PBX1: variants seen among roughly 807,000 people sequenced by gnomAD.
PBX1 encodes pre-B-cell leukemia transcription factor 1.
A neutral mutation model predicts 53.4 loss-of-function variants in PBX1; 6 were observed. The observed-to-expected ratio is 0.11, with a 90% CI of 0.06 to 0.22. PBX1 has a LOEUF of 0.22. PBX1 is among the 10% of genes least tolerant of loss of function. The probability of loss-of-function intolerance (pLI) is 1.00; values close to 1 mark genes in which losing one functional copy is unlikely to be tolerated. For synonymous variants in PBX1, 204 were observed against 212.3 expected, an observed-to-expected ratio of 0.96 and a Z score of 0.34; for missense variants, 251 against 551.4, an observed-to-expected ratio of 0.46 and a Z score of 5.46.
intron 2 of PBX1, among the ~76,000 whole-genome samples, chr1:164,723,641 C>G (rs1664526533): frequency 6.6e-6 from 1 of 152,174 alleles, no homozygotes; most frequent in African/African-American, 2.4e-5. Context: ...TCTGCCTGGG[C>G]CAGCCAGGCG....
chr1:164,831,282 T>C (rs1439780891), intron 8 of PBX1, among the ~76,000 whole-genome samples: 1 of 152,254 alleles, frequency 6.6e-6, no homozygotes, highest in Admixed American at 6.5e-5. Flanking sequence ...ACATGTATCA[T>C]TAACTAGAGT....
At chr1:164,565,289 C>T (rs1347675319) in intron 2 of PBX1, among the ~76,000 whole-genome samples, 1 of 152,070 alleles carries the variant, frequency 6.6e-6, no homozygotes, top group Non-Finnish European at 1.5e-5. Flanking sequence ...TGTGTCAATA[C>T]ATTTAATGTT....
chr1:164,646,786 A>G (rs374449752), intron 2 of PBX1, among the ~76,000 whole-genome samples: 20 of 152,266 alleles, frequency 1.3e-4, no homozygotes, highest in African/African-American at 3.9e-4. Context: ...CTCACCACCC[A>G]ATTTCAGTAC....
chr1:164,764,508 G>A (rs1666961104), intron 2 of PBX1, among the ~76,000 whole-genome samples: 1 of 152,164 alleles, frequency 6.6e-6, no homozygotes, highest in Non-Finnish European at 1.5e-5. Context: ...TTACTCATAA[G>A]TGAGCTCTGC....
chr1:164,630,194 C>T (rs544539200), intron 2 of PBX1, among the ~76,000 whole-genome samples: 6 of 152,212 alleles, frequency 3.9e-5, no homozygotes, highest in Non-Finnish European at 7.4e-5. Context: ...TTCAGATCTA[C>T]GAGTCTTTTG....
intron 2 of PBX1, among the ~76,000 whole-genome samples, chr1:164,590,802 AAAATC>A (rs1307379669): frequency 6.6e-5 from 10 of 152,070 alleles, no homozygotes; most frequent in Non-Finnish European, 8.8e-5. Context: ...TATTAAAAAA[AAAATC>A]TCTGACTGCA....
chr1:164,820,168 C>A lies in PBX1; in HGVS notation c.1094C>A (p.Ala365Asp), dbSNP rs752373773. 1 of 1,609,030 alleles carries A rather than the reference C, an allele frequency of 6.2e-7. No individual in the cohort carries two copies. The highest frequency in any genetic ancestry group is 8.5e-7 in the Non-Finnish European group (1 of 1,175,484). ...TCTTACCAAGGGGCCCAGGTTGGAG[C>A]CAACGTGCAATCACAGGTAGGGACC... is the stretch of plus-strand genomic sequence containing the variant. The part of the protein sequence containing the change: ...GDSYQGAQVG[A>D]NVQSQVDTLR... Residue 365 changes from alanine (A) to aspartate (D), a missense_variant, in exon 7 of 9, where the codon GCC (alanine) becomes GAC (aspartate). Physicochemically the swap from Ala to Asp is moderately radical, Grantham distance 126. This residue lies in a region of PBX1 where 92 missense variants were observed against 130.4 expected (regional missense o/e 0.71). Transcript: ENST00000420696.
chr1:164,670,118 G>A (rs1017624634), intron 2 of PBX1, among the ~76,000 whole-genome samples: 3 of 152,144 alleles, frequency 2.0e-5, no homozygotes, highest in African/African-American at 7.2e-5. Flanking sequence ...CTGCCCTCAA[G>A]TGACCAGAGG....
chr1:164,870,839 G>C (rs960788507), intron 2 of PBX1, among the ~76,000 whole-genome samples: 1 of 152,136 alleles, frequency 6.6e-6, no homozygotes, highest in Non-Finnish European at 1.5e-5. Flanking sequence ...GGTTCCAGTG[G>C]GAGGCCATGG....
At chr1:164,691,093 C>A (rs1303844230) in intron 2 of PBX1, among the ~76,000 whole-genome samples, 3 of 144,854 alleles carry the variant, frequency 2.1e-5, no homozygotes, top group African/African-American at 5.0e-5. Context: ...CGGCTCACTG[C>A]AACCTCTGCT....
chr1:164,710,142 T>C (rs1441584603), intron 2 of PBX1, among the ~76,000 whole-genome samples: 1 of 152,226 alleles, frequency 6.6e-6, no homozygotes. Context: ...GTATTACCTA[T>C]TGTGACTGTT....
intron 2 of PBX1, among the ~76,000 whole-genome samples, chr1:164,745,507 C>T (rs1665845874): frequency 6.6e-6 from 1 of 152,204 alleles, no homozygotes; most frequent in Admixed American, 6.5e-5. Flanking sequence ...ACCTTTTAAA[C>T]ATCACCACTT....
chr1:164,747,334 T>TAC (rs1553239765), intron 2 of PBX1, among the ~76,000 whole-genome samples: 1,836 of 151,324 alleles, frequency 0.012, 35 homozygotes, highest in African/African-American at 0.042. Context: ...TATATATATA[T>TAC]ACACACACAC....
chr1:164,784,949 C>A (rs1668104009), intron 2 of PBX1, among the ~76,000 whole-genome samples: 1 of 152,182 alleles, frequency 6.6e-6, no homozygotes, highest in African/African-American at 2.4e-5. Context: ...ATACAAATCC[C>A]CCACTTTAAG....
At chr1:164,698,216 G>A (rs949197979) in intron 2 of PBX1, among the ~76,000 whole-genome samples, 20 of 152,264 alleles carry the variant, frequency 1.3e-4, no homozygotes, top group Middle Eastern at 3.4e-3. Flanking sequence ...TCGGGTAGCA[G>A]TAGAGGGTGA....
At chr1:164,748,289 G>A (rs375047090) in intron 2 of PBX1, among the ~76,000 whole-genome samples, 12 of 152,136 alleles carry the variant, frequency 7.9e-5, no homozygotes, top group African/African-American at 2.7e-4. Context: ...ATTGAGGTTC[G>A]ACTGACTTTC....
intron 2 of PBX1, among the ~76,000 whole-genome samples, chr1:164,569,509 G>T (rs1203297439): frequency 2.7e-5 from 4 of 149,932 alleles, no homozygotes; most frequent in Non-Finnish European, 5.9e-5. Context: ...CTGATTTTAT[G>T]CTGAAAAGAG....
chr1:164,648,714 C>T (rs893165015), intron 2 of PBX1, among the ~76,000 whole-genome samples: 2 of 152,182 alleles, frequency 1.3e-5, no homozygotes, highest in African/African-American at 4.8e-5. Context: ...GCTGCTTGCC[C>T]TTGGCGGGAG....
intron 2 of PBX1, among the ~76,000 whole-genome samples, chr1:164,749,506 A>G (rs1271047294): frequency 1.3e-5 from 2 of 152,208 alleles, no homozygotes; most frequent in African/African-American, 4.8e-5. Context: ...GCCACTCATC[A>G]GCAATATAAT....
Sources: allele counts gnomAD v4.1 joint callset (sites outside exome capture counted in the v4.1 genomes callset), GRCh38; gene constraint gnomAD v4.1.1; regional missense constraint gnomAD v4.1.1; transcripts MANE v1.5; gene names NCBI Gene and HGNC (gene_info 2026-07-23, HGNC 2026-07-21).